The following ACBD3 variants were observed in gnomAD, a reference collection of about 807,000 sequenced individuals.
ACBD3 encodes the protein acyl-CoA binding domain containing 3.
Under a neutral mutation model 66.9 loss-of-function variants are expected in ACBD3, and 30 were observed. The observed-to-expected ratio is 0.45, with a 90% confidence interval of 0.34 to 0.61. The LOEUF is 0.61. Ranked by LOEUF, ACBD3 falls within the 20% of genes least tolerant of loss-of-function variation. ACBD3 has a pLI of 0.02. For synonymous variants in ACBD3, 278 were observed against 259.8 expected, an observed-to-expected ratio of 1.07 and a Z score of -0.68; for missense variants, 544 against 664.5, an observed-to-expected ratio of 0.82 and a Z score of 1.99.
At chr1:226,182,174 T>C (rs1656185818) in intron 1 of ACBD3, among the ~76,000 whole-genome samples, 1 of 151,286 alleles carries the variant, frequency 6.6e-6, no homozygotes, top group Non-Finnish European at 1.5e-5. Context: ...TAGGGGGCAG[T>C]GAGCCAAGAT....
chr1:226,151,818 C>A (rs1659577775), intron 7 of ACBD3, among the ~76,000 whole-genome samples: 4 of 151,942 alleles, frequency 2.6e-5, no homozygotes, highest in Admixed American at 1.3e-4. Context: ...CCAGCCTGAC[C>A]AACATGGTGA....
chr1:226,146,254 C>T lies in ACBD3; in HGVS notation c.*356G>A, dbSNP rs1659447034. On this transcript the variant is annotated 3_prime_UTR_variant, in exon 8 of 8. Transcript: ENST00000366812. ...ACTGTAACTACGGGCTCTCATAAGACACATGGAGCAGGCAGCAAGGGGCTA... is the reference window on the plus strand; with the variant it reads ...ACTGTAACTACGGGCTCTCATAAGATACATGGAGCAGGCAGCAAGGGGCTA... 7 of 203,024 alleles carry T rather than the reference C, an allele frequency of 3.4e-5. No individual in the cohort carries two copies. In the South Asian group the frequency reaches 6.3e-4, roughly 18 times the overall value. 12.6% of individuals were successfully genotyped at this position (203,024 alleles called of 1,614,324 possible). A position where few individuals can be genotyped will look rare whatever the true frequency, so the allele number is the denominator to read the frequency against.
chr1:226,164,639 C>A, intron 3 of ACBD3, 150 bp downstream of exon 3: 1 of 893,614 alleles, frequency 1.1e-6, no homozygotes, highest in Non-Finnish European at 1.6e-6. Flanking sequence ...TACCTGTTCA[C>A]ATCAGGAAGT....
At chr1:226,173,585 A>G (rs968067619) in intron 1 of ACBD3, among the ~76,000 whole-genome samples, 9 of 150,928 alleles carry the variant, frequency 6.0e-5, no homozygotes, top group Non-Finnish European at 1.0e-4. Context: ...TAAGCTTCAG[A>G]AAAAAAACAC....
At chr1:226,175,088 T>C (rs1358134159) in intron 1 of ACBD3, among the ~76,000 whole-genome samples, 1 of 74,164 alleles carries the variant, frequency 1.3e-5, no homozygotes, top group Non-Finnish European at 2.3e-5. Flanking sequence ...TGAGACTCCA[T>C]CTCAAAAAAA....
chr1:226,160,580 A>C (rs1029013615), intron 4 of ACBD3, among the ~76,000 whole-genome samples: 1 of 152,240 alleles, frequency 6.6e-6, no homozygotes, highest in African/African-American at 2.4e-5. Flanking sequence ...GAGGGCCTGG[A>C]TTAGTTTGAG....
chr1:226,168,433 G>A (rs1245137851), intron 1 of ACBD3, among the ~76,000 whole-genome samples: 1 of 152,196 alleles, frequency 6.6e-6, no homozygotes, highest in African/African-American at 2.4e-5. Flanking sequence ...AAAGGAGGCA[G>A]ATACAAGGAC....
intron 7 of ACBD3, among the ~76,000 whole-genome samples, chr1:226,148,982 C>T (rs1659510438): frequency 6.6e-6 from 1 of 152,128 alleles, no homozygotes; most frequent in African/African-American, 2.4e-5. Context: ...CAGGGAATGC[C>T]ATCTTTCATT....
chr1:226,174,885 G>A (rs1429477844), intron 1 of ACBD3, among the ~76,000 whole-genome samples: 1 of 151,866 alleles, frequency 6.6e-6, no homozygotes, highest in Non-Finnish European at 1.5e-5. Context: ...CAGATCACCT[G>A]AGGTCAGGAC....
intron 1 of ACBD3, among the ~76,000 whole-genome samples, chr1:226,166,992 T>C (rs1659889253): frequency 6.6e-6 from 1 of 151,150 alleles, no homozygotes; most frequent in Non-Finnish European, 1.5e-5. Flanking sequence ...GACGATGTCT[T>C]ACAATGTTGC....
chr1:226,152,697 T>C, intron 6 of ACBD3, 78 bp from the exon 7 acceptor site: 1 of 1,392,306 alleles, frequency 7.2e-7, no homozygotes, highest in South Asian at 1.3e-5. Context: ...TAGCACTACC[T>C]GATCAGTTGT....
Position 226,146,454 on chromosome 1 carries a change from A to G in ACBD3, c.*156T>C. On this transcript the variant is annotated 3_prime_UTR_variant, in exon 8 of 8. Transcript: ENST00000366812. ...CAAAGTATGAATGCTAAAGAGTCTCAAGGAAATTTTGATTCCCAGCAAGAG... is the reference window on the plus strand; with the variant it reads ...CAAAGTATGAATGCTAAAGAGTCTCGAGGAAATTTTGATTCCCAGCAAGAG... The G allele has an allele frequency of 4.5e-6, 3 of 662,842 alleles. No homozygotes were observed. Among genetic ancestry groups the G allele is most frequent in the Non-Finnish European group, 7.6e-6 (3 of 394,872 alleles). 41.1% of individuals were successfully genotyped at this position (662,842 alleles called of 1,614,324 possible).
At chr1:226,155,927 C>A (rs888441132) in intron 5 of ACBD3, among the ~76,000 whole-genome samples, 1 of 152,130 alleles carries the variant, frequency 6.6e-6, no homozygotes, top group African/African-American at 2.4e-5. Context: ...GTAAAAACAT[C>A]TTAAATCCAA....
At chr1:226,166,373 G>A (rs1659878498) in intron 1 of ACBD3, among the ~76,000 whole-genome samples, 2 of 151,228 alleles carry the variant, frequency 1.3e-5, no homozygotes, top group South Asian at 2.1e-4. Flanking sequence ...GCTCAAGCAA[G>A]CCTCTCGTCT....
chr1:226,164,910 C>A lies in ACBD3; in HGVS notation c.448G>T (p.Gly150Ter). ...NDRRREWAAL[G>*]NMSKEDAMVE... is the part of the protein sequence containing the mutation. ...ATGGCATCCTCTTTAGACATGTTTC[C>A]CAGGGCTGCCCATTCTCTCCTGTAA... Residue 150 changes from glycine (G) to a stop codon, truncating the protein, a stop_gained, in exon 3 of 8, where the codon GGA (glycine) becomes TGA (stop). Coordinates refer to ENST00000366812, the MANE Select transcript of ACBD3 (RefSeq NM_022735.4). LOFTEE classifies it high-confidence loss of function. 6.3e-7 allele frequency: 1 copy of A among 1,590,900 alleles called. No individual in the cohort carries two copies. The highest frequency in any genetic ancestry group is 8.6e-7 in the Non-Finnish European group (1 of 1,168,850).
intron 7 of ACBD3, 80 bp downstream of exon 7, chr1:226,152,255 G>A (rs1269406652): frequency 1.3e-6 from 2 of 1,538,532 alleles, no homozygotes; most frequent in Non-Finnish European, 1.8e-6. Context: ...GGAAGCATAA[G>A]GCTGGGTGAC....
chr1:226,163,375 C>A (rs926083956), intron 3 of ACBD3, among the ~76,000 whole-genome samples: 1 of 152,172 alleles, frequency 6.6e-6, no homozygotes, highest in Admixed American at 6.5e-5. Flanking sequence ...GATACTTCTA[C>A]AGACACCCTA....
intron 7 of ACBD3, among the ~76,000 whole-genome samples, chr1:226,150,874 T>C (rs1309046456): frequency 6.6e-6 from 1 of 152,228 alleles, no homozygotes; most frequent in Non-Finnish European, 1.5e-5. Flanking sequence ...AATCTGCTTC[T>C]GGGGTAAAAG....
chr1:226,172,942 G>A (rs1186818321), intron 1 of ACBD3, among the ~76,000 whole-genome samples: 1 of 151,518 alleles, frequency 6.6e-6, no homozygotes, highest in Non-Finnish European at 1.5e-5. Flanking sequence ...GGTGACAGAT[G>A]AAGACCCTGT....
Sources: gnomAD v4.1 joint callset for allele counts (sites outside exome capture counted in the v4.1 genomes callset) on GRCh38, gnomAD v4.1.1 for gene constraint, MANE v1.5 for transcripts, NCBI Gene and HGNC (gene_info 2026-07-23, HGNC 2026-07-21) for gene names.